The following CENPP variants were observed in gnomAD, a reference collection of about 807,000 sequenced individuals.
The protein encoded by CENPP is centromere protein P.
Under a neutral mutation model 35.6 loss-of-function variants are expected in CENPP, and 24 were observed. That is an observed-to-expected ratio of 0.67 (90% CI 0.49 to 0.95). The LOEUF (loss-of-function observed/expected upper bound fraction) is 0.95, where lower values mean the gene tolerates loss of function less well. Ranked by LOEUF, CENPP falls within the 40% of genes least tolerant of loss-of-function variation. The probability of loss-of-function intolerance (pLI) is 0.00; values close to 1 mark genes in which losing one functional copy is unlikely to be tolerated. For missense variants in CENPP, 332 were observed against 345.3 expected, an observed-to-expected ratio of 0.96 and a Z score of 0.31; for synonymous variants, 120 against 125.5, an observed-to-expected ratio of 0.96 and a Z score of 0.29.
chr9:92,416,111 T>A (rs1036183525), intron 5 of CENPP, among the ~76,000 whole-genome samples: 18 of 146,670 alleles, frequency 1.2e-4, no homozygotes, highest in Non-Finnish European at 1.8e-4. Context: ...TTATTTTTTT[T>A]TTTTTTAAGA....
chr9:92,473,081 T>A (rs1845586441), intron 5 of CENPP, among the ~76,000 whole-genome samples: 1 of 152,134 alleles, frequency 6.6e-6, no homozygotes, highest in South Asian at 2.1e-4. Context: ...TTAGGTGGAT[T>A]TTGTTTACTA....
chr9:92,391,011 T>G (rs1019974313), intron 5 of CENPP, among the ~76,000 whole-genome samples: 3 of 152,064 alleles, frequency 2.0e-5, no homozygotes, highest in Admixed American at 2.0e-4. Flanking sequence ...ATGCCTGTAA[T>G]CCTAGCACTT....
intron 5 of CENPP, among the ~76,000 whole-genome samples, chr9:92,518,414 C>T (rs1481861473): frequency 6.6e-6 from 1 of 152,192 alleles, no homozygotes; most frequent in Non-Finnish European, 1.5e-5. Context: ...CCAGTTCCCT[C>T]ATGTGACCAG....
chr9:92,534,070 C>G (rs979473612), intron 5 of CENPP, among the ~76,000 whole-genome samples: 1 of 152,114 alleles, frequency 6.6e-6, no homozygotes, highest in Non-Finnish European at 1.5e-5. Flanking sequence ...CCTATACAAG[C>G]TCTCTTCACT....
Position 92,554,568 on chromosome 9 carries a change from A to T in CENPP, c.565-56746A>T, listed in dbSNP as rs577493251. 3.3e-5 allele frequency among the ~76,000 whole-genome samples: 5 copies of T among 152,246 alleles called. No homozygotes were observed. In the East Asian group the frequency reaches 9.7e-4, roughly 30 times the overall value. ...TCCCTGCATCCCTGGTATGAAACCC[A>T]CTTGATCATGGTGGATTATCTTTTT... On this transcript the variant is annotated intron_variant, in intron 5 of 7. Coordinates refer to ENST00000375587, the MANE Select transcript of CENPP (RefSeq NM_001012267.3).
At chr9:92,522,262 A>G (rs1848117984) in intron 5 of CENPP, among the ~76,000 whole-genome samples, 1 of 151,770 alleles carries the variant, frequency 6.6e-6, no homozygotes, top group Non-Finnish European at 1.5e-5. Context: ...AATTTTTTGT[A>G]TTTTTAGTAG....
chr9:92,372,099 C>CTTTTTTTTTTTTTTTT (rs71362382), intron 4 of CENPP, among the ~76,000 whole-genome samples: 118 of 30,690 alleles, frequency 3.8e-3, no homozygotes, highest in East Asian at 7.7e-3. Context: ...TGCCAGCCAT[C>CTTTTTTTTTTTTTTTT]TTTTTTTTTT....
At chr9:92,415,239 G>A (rs780716220) in intron 5 of CENPP, 11 of 1,613,360 alleles carry the variant, frequency 6.8e-6, no homozygotes, top group Admixed American at 6.7e-5. Context: ...CAGGATCATC[G>A]TGATCTTCAC....
At chr9:92,357,699 T>A (rs919428353) in intron 4 of CENPP, among the ~76,000 whole-genome samples, 1 of 152,012 alleles carries the variant, frequency 6.6e-6, no homozygotes, top group African/African-American at 2.4e-5. Context: ...TGTTTCTCCA[T>A]GTTGGTTAGG....
At chr9:92,491,292 C>T (rs1846166129) in intron 5 of CENPP, among the ~76,000 whole-genome samples, 1 of 152,130 alleles carries the variant, frequency 6.6e-6, no homozygotes. Flanking sequence ...GGTAGCGGCA[C>T]AGGCACTGAA....
At chr9:92,404,547 T>A in intron 5 of CENPP, 1 of 1,299,964 alleles carries the variant, frequency 7.7e-7, no homozygotes. Context: ...GATGTTCATG[T>A]CTGTGCATTA....
rs1285328056 is a variant in CENPP, at chr9:92,618,161, TC to T, written c.*5013del. ...GCAGGCCCAGCCCCACACGCCATGT[TC>T]TCGGAGGAGAAGCCTTCTCTGAGAT... On this transcript the variant is annotated 3_prime_UTR_variant, in exon 8 of 8. Coordinates refer to ENST00000375587, the MANE Select transcript of CENPP (RefSeq NM_001012267.3). The T allele has an allele frequency of 2.2e-6, 1 of 451,030 alleles. No homozygotes were observed. Among genetic ancestry groups the T allele is most frequent in the Non-Finnish European group, 4.5e-6 (1 of 223,728 alleles). The allele number at this position is 451,030 out of a possible 1,614,324, so 27.9% of individuals were successfully genotyped here.
At chr9:92,362,651 G>C (rs188460964) in intron 4 of CENPP, among the ~76,000 whole-genome samples, 2 of 152,110 alleles carry the variant, frequency 1.3e-5, no homozygotes, top group African/African-American at 4.8e-5. Flanking sequence ...CAGACTTGAT[G>C]ACCACACAAT....
At chr9:92,509,974 G>A in intron 5 of CENPP, 2 of 1,610,728 alleles carry the variant, frequency 1.2e-6, no homozygotes, top group East Asian at 4.5e-5. Context: ...GATGGCAATT[G>A]TGAAGGAATC....
At chr9:92,460,472 A>AC (rs1845066499) in intron 5 of CENPP, 2 of 1,574,380 alleles carry the variant, frequency 1.3e-6, no homozygotes, top group Non-Finnish European at 1.7e-6. Flanking sequence ...GGGAACGTTT[A>AC]CCTTTGTAGT....
intron 5 of CENPP, among the ~76,000 whole-genome samples, chr9:92,594,992 G>A (rs992341848): frequency 2.7e-5 from 4 of 150,766 alleles, no homozygotes; most frequent in African/African-American, 9.8e-5. Flanking sequence ...CGCCTCCCAG[G>A]TTCAAGCAAT....
chr9:92,365,406 CTTTT>C (rs33952600), intron 4 of CENPP, among the ~76,000 whole-genome samples: 232 of 81,496 alleles, frequency 2.8e-3, no homozygotes, highest in Middle Eastern at 0.013. Flanking sequence ...TATAACTACT[CTTTT>C]TTTTTTTTTT....
chr9:92,468,495 C>T (rs1318538370), intron 5 of CENPP, among the ~76,000 whole-genome samples: 1 of 152,154 alleles, frequency 6.6e-6, no homozygotes, highest in Non-Finnish European at 1.5e-5. Flanking sequence ...GCTGGGAGGG[C>T]TGTGATTGTG....
At chr9:92,392,824 T>C (rs1476856273) in intron 5 of CENPP, among the ~76,000 whole-genome samples, 1 of 152,182 alleles carries the variant, frequency 6.6e-6, no homozygotes, top group Non-Finnish European at 1.5e-5. Flanking sequence ...GTATTGGAGT[T>C]GAGAAGATAT....
Sources: allele counts gnomAD v4.1 joint callset (sites outside exome capture counted in the v4.1 genomes callset), GRCh38; gene constraint gnomAD v4.1.1; transcripts MANE v1.5; gene names NCBI Gene and HGNC (gene_info 2026-07-23, HGNC 2026-07-21).